The following PLAG1 variants were observed in gnomAD, a reference collection of about 807,000 sequenced individuals.
The protein encoded by PLAG1 is PLAG1 zinc finger, also known as zinc finger protein PLAG1.
Under a neutral mutation model 35.5 loss-of-function variants are expected in PLAG1, and 7 were observed. That is an observed-to-expected ratio of 0.20 (90% CI 0.11 to 0.37). The LOEUF (loss-of-function observed/expected upper bound fraction) is 0.37, where lower values mean the gene tolerates loss of function less well. Among genes scored for constraint, PLAG1 ranks in the 10% least tolerant of loss-of-function variants. The pLI is 1.00. For synonymous variants in PLAG1, 229 were observed against 225.4 expected, an observed-to-expected ratio of 1.02 and a Z score of -0.14; for missense variants, 454 against 602.8, an observed-to-expected ratio of 0.75 and a Z score of 2.58.
chr8:56,171,730 G>A (rs1811530037), intron 2 of PLAG1, among the ~76,000 whole-genome samples: 1 of 152,174 alleles, frequency 6.6e-6, no homozygotes, highest in African/African-American at 2.4e-5. Context: ...ATGCTGCAAG[G>A]ATGGTTGAAA....
Position 56,167,646 on chromosome 8 carries a change from T to A in PLAG1, c.243-143A>T. On this transcript the variant is annotated intron_variant, in intron 4 of 4. Transcript: ENST00000316981. The surrounding 1 kb of genome is among the most constrained non-coding windows in gnomAD (Gnocchi z 5.9). ...TTTAACTTAATATATACCACGAGGA[T>A]AGTTAATATACCTAATTACTGCAAA... is the stretch of plus-strand genomic sequence containing the variant. 1.6e-6 allele frequency: 1 copy of A among 633,080 alleles called. No homozygotes were observed. The highest frequency in any genetic ancestry group is 2.7e-6 in the Non-Finnish European group (1 of 369,324). The allele number at this position is 633,080 out of a possible 1,614,324, so 39.2% of individuals were successfully genotyped here. A position where few individuals can be genotyped will look rare whatever the true frequency, so the allele number is the denominator to read the frequency against.
At chr8:56,198,007 C>T (rs1451375884) in intron 1 of PLAG1, among the ~76,000 whole-genome samples, 1 of 152,178 alleles carries the variant, frequency 6.6e-6, no homozygotes, top group East Asian at 1.9e-4. Context: ...AGGCCTCCTC[C>T]TACTGACTTC....
At chr8:56,195,747 C>T (rs752345050) in intron 1 of PLAG1, among the ~76,000 whole-genome samples, 13 of 152,218 alleles carry the variant, frequency 8.5e-5, no homozygotes, top group East Asian at 3.9e-4. Context: ...AAGCTCAAGG[C>T]GCCTGGCTTC....
At chr8:56,176,208 C>T (rs1256460772) in intron 2 of PLAG1, among the ~76,000 whole-genome samples, 2 of 152,098 alleles carry the variant, frequency 1.3e-5, no homozygotes, top group African/African-American at 2.4e-5. Context: ...TACCATCATA[C>T]CCGGCTAATT....
intron 1 of PLAG1, among the ~76,000 whole-genome samples, chr8:56,183,728 C>T (rs1243607357): frequency 6.6e-6 from 1 of 152,014 alleles, no homozygotes. Flanking sequence ...AATTATTTCA[C>T]CAAAAATAAT....
Position 56,166,088 on chromosome 8 carries a change from A to T in PLAG1, c.*155T>A. The T allele has an allele frequency of 2.1e-6, 1 of 484,142 alleles. No individual in the cohort carries two copies. The highest frequency in any genetic ancestry group is 3.1e-5 in the East Asian group (1 of 32,416). 30.0% of individuals were successfully genotyped at this position (484,142 alleles called of 1,614,324 possible). On this transcript the variant is annotated 3_prime_UTR_variant, in exon 5 of 5. Transcript: ENST00000316981. ...CACAAATGGTTCCAAAGCTCAGTTTAAAAGCTAGTTTCTATTTTATACTGG... is the reference window on the plus strand; with the variant it reads ...CACAAATGGTTCCAAAGCTCAGTTTTAAAGCTAGTTTCTATTTTATACTGG...
chr8:56,166,372 T>C lies in PLAG1; in HGVS notation c.1374A>G (p.Pro458=). The C allele has an allele frequency of 3.1e-6, 5 of 1,613,896 alleles. No homozygotes were observed. Among genetic ancestry groups the C allele is most frequent in the Non-Finnish European group, 4.2e-6 (5 of 1,179,876 alleles). The change falls in exon 5 of 5, where the codon CCA becomes CCG. Residue 458 remains proline (P), a synonymous_variant. Coordinates refer to ENST00000316981, the MANE Select transcript of PLAG1 (RefSeq NM_002655.3). ...CAGGATCCTGAAGATCCTGTGTTTG[T>C]GGGGGGAGCTGGGAAACAGAAGAAT... ...EAHSSVSQLP[P]QTQDLQDPAN... is the part of the protein sequence containing the mutation.
At chr8:56,201,306 G>A (rs892658311) in intron 1 of PLAG1, among the ~76,000 whole-genome samples, 1 of 152,146 alleles carries the variant, frequency 6.6e-6, no homozygotes, top group Non-Finnish European at 1.5e-5. Flanking sequence ...AAAATTTGGG[G>A]AAAAATGTTT....
intron 1 of PLAG1, among the ~76,000 whole-genome samples, chr8:56,200,750 C>T (rs1436348865): frequency 6.6e-6 from 1 of 152,126 alleles, no homozygotes; most frequent in Non-Finnish European, 1.5e-5. Flanking sequence ...CTTCTTCTTG[C>T]CAATTCCTAA....
Position 56,164,764 on chromosome 8 carries a change from A to G in PLAG1, c.*1479T>C, listed in dbSNP as rs1252631762. On this transcript the variant is annotated 3_prime_UTR_variant, in exon 5 of 5. Transcript: ENST00000316981. ...GGTTGTCTAATGTGAGGAAAAGCCT[A>G]TAATTATTCAGTGAATATAATATAT... 10 of 213,986 alleles carry G rather than the reference A, an allele frequency of 4.7e-5. No individual in the cohort carries two copies. Among genetic ancestry groups the G allele is most frequent in the Admixed American group, 1.2e-4 (2 of 17,144 alleles). The allele number at this position is 213,986 out of a possible 1,614,324, so 13.3% of individuals were successfully genotyped here. A position where few individuals can be genotyped will look rare whatever the true frequency, so the allele number is the denominator to read the frequency against.
chr8:56,182,991 C>T (rs1585797402), intron 1 of PLAG1, among the ~76,000 whole-genome samples: 1 of 152,162 alleles, frequency 6.6e-6, no homozygotes, highest in East Asian at 1.9e-4. Flanking sequence ...CTCACCTTGG[C>T]CAGTGCTGAG....
intron 1 of PLAG1, among the ~76,000 whole-genome samples, chr8:56,196,951 C>CGTGTGT (rs10534078): frequency 0.045 from 6,400 of 142,918 alleles, 211 homozygotes; most frequent in Middle Eastern, 0.078. Context: ...CCCTAGTGTG[C>CGTGTGT]GTGTGTGTGT....
chr8:56,204,099 G>C (rs539894071), intron 1 of PLAG1, among the ~76,000 whole-genome samples: 4 of 151,918 alleles, frequency 2.6e-5, no homozygotes, highest in Non-Finnish European at 5.9e-5. Context: ...CAGAATAATG[G>C]AGCTAATTTC....
chr8:56,167,738 A>T lies in PLAG1; in HGVS notation c.243-235T>A, dbSNP rs529642364. On this transcript the variant is annotated intron_variant, in intron 4 of 4. Coordinates refer to ENST00000316981, the MANE Select transcript of PLAG1 (RefSeq NM_002655.3). This position sits in a 1 kb window ranked among gnomAD's most constrained non-coding sequence, Gnocchi z 5.9. ...CCAGCTATCATTACAAAAGCAAATG[A>T]GCAAGACTGAATATACTCACGTAAA... Among the ~76,000 whole-genome samples the T allele has an allele frequency of 6.6e-6, 1 of 152,340 alleles. No homozygotes were observed. Among genetic ancestry groups the T allele is most frequent in the East Asian group, 1.9e-4 (1 of 5,186 alleles).
intron 1 of PLAG1, among the ~76,000 whole-genome samples, chr8:56,209,757 C>A (rs1270536850): frequency 1.3e-5 from 2 of 152,164 alleles, no homozygotes; most frequent in African/African-American, 4.8e-5. Flanking sequence ...TGCACTCCAG[C>A]CTCTCTGAGC....
At chr8:56,193,023 T>C (rs1222158591) in intron 1 of PLAG1, among the ~76,000 whole-genome samples, 2 of 152,244 alleles carry the variant, frequency 1.3e-5, no homozygotes, top group Admixed American at 6.5e-5. Context: ...TGGACCTTAC[T>C]GGATTTGGAT....
chr8:56,161,783 T>C lies in PLAG1; in HGVS notation c.*4460A>G, dbSNP rs1281917776. 2.2e-5 allele frequency: 5 copies of C among 230,634 alleles called. No individual in the cohort carries two copies. The highest frequency in any genetic ancestry group is 8.8e-5 in the African/African-American group (4 of 45,318). 14.3% of individuals were successfully genotyped at this position (230,634 alleles called of 1,614,324 possible). A position where few individuals can be genotyped will look rare whatever the true frequency, so the allele number is the denominator to read the frequency against. Reference sequence around the variant, plus strand: ...AAGTTTGTAGCACCATGAAGAGTTGTAGCCCAAGTTACATTAGCAGCATGA... The same window carrying C: ...AAGTTTGTAGCACCATGAAGAGTTGCAGCCCAAGTTACATTAGCAGCATGA... On this transcript the variant is annotated 3_prime_UTR_variant, in exon 5 of 5. Coordinates refer to ENST00000316981, the MANE Select transcript of PLAG1 (RefSeq NM_002655.3).
intron 1 of PLAG1, among the ~76,000 whole-genome samples, chr8:56,196,951 C>CGTGTGTGCGTGT (rs1554537774): frequency 7.0e-6 from 1 of 142,962 alleles, no homozygotes; most frequent in Non-Finnish European, 1.5e-5. Flanking sequence ...CCCTAGTGTG[C>CGTGTGTGCGTGT]GTGTGTGTGT....
intron 1 of PLAG1, among the ~76,000 whole-genome samples, chr8:56,207,404 C>A (rs1472414364): frequency 1.3e-5 from 2 of 151,938 alleles, no homozygotes; most frequent in Non-Finnish European, 2.9e-5. Context: ...ATAACCCCCA[C>A]CTGTGCATGT....
Sources: gnomAD v4.1 joint callset for allele counts (sites outside exome capture counted in the v4.1 genomes callset) on GRCh38, gnomAD v4.1.1 for gene constraint, Gnocchi (gnomAD v3.1) non-coding constraint, MANE v1.5 for transcripts, NCBI Gene and HGNC (gene_info 2026-07-23, HGNC 2026-07-21) for gene names.